Variants in DNM1 observed in about 807,000 individuals in gnomAD.
DNM1 encodes dynamin-1.
DNM1 carries 29 observed loss-of-function variants against 104.6 expected under a neutral mutation model. The ratio of observed to expected loss-of-function variants is 0.28; its 90% CI spans 0.21 to 0.38. The LOEUF (loss-of-function observed/expected upper bound fraction) is 0.38, where lower values mean the gene tolerates loss of function less well. Among genes scored for constraint, DNM1 ranks in the 10% least tolerant of loss-of-function variants. The probability of loss-of-function intolerance (pLI) is 1.00; values close to 1 mark genes in which losing one functional copy is unlikely to be tolerated. For missense variants in DNM1, 640 were observed against 1,189.4 expected, an observed-to-expected ratio of 0.54 and a Z score of 6.79; for synonymous variants, 445 against 475.8, an observed-to-expected ratio of 0.94 and a Z score of 0.84.
In DNM1 at chr9:128,211,400, A is replaced by C. The variant is rs74720809; in HGVS notation, c.162-6831A>C. Among the ~76,000 whole-genome samples, 653 of 151,820 alleles carry C rather than the reference A, an allele frequency of 4.3e-3. 5 individuals are homozygous for C. Among genetic ancestry groups the C allele is most frequent in the African/African-American group, 0.015 (630 of 41,366 alleles). The stretch of plus-strand genomic sequence containing the variant: ...CTGAATATATTACAGTGCGTGGGAA[A>C]AATAGGGCCGTGCCCTCTCTCTCAC... On this transcript the variant is annotated intron_variant, in intron 1 of 21. Coordinates refer to ENST00000372923, the MANE Select transcript of DNM1 (RefSeq NM_004408.4).
At chr9:128,249,423 G>A (rs1230617836) in intron 19 of DNM1, among the ~76,000 whole-genome samples, 3 of 151,996 alleles carry the variant, frequency 2.0e-5, no homozygotes, top group Non-Finnish European at 2.9e-5. Context: ...TTGGGAGGCC[G>A]AGGTGCGCAG....
intron 10 of DNM1, among the ~76,000 whole-genome samples, chr9:128,232,942 G>A (rs1588405165): frequency 6.6e-6 from 1 of 152,182 alleles, no homozygotes; most frequent in Admixed American, 6.5e-5. Context: ...CCTGCCTCGG[G>A]GACAGTTGCC....
Position 128,203,410 on chromosome 9 carries a change from G to C in DNM1, c.-61G>C, listed in dbSNP as rs888680935. The C allele has an allele frequency of 1.5e-6, 2 of 1,354,748 alleles. No individual in the cohort carries two copies. Among genetic ancestry groups the C allele is most frequent in the South Asian group, 3.3e-5 (2 of 59,938 alleles). The allele number at this position is 1,354,748 out of a possible 1,614,324, so 83.9% of individuals were successfully genotyped here. A position where few individuals can be genotyped will look rare whatever the true frequency, so the allele number is the denominator to read the frequency against. ...GGCGCGCGGCTGCAGCGGCGGAGCC[G>C]GAGTCGGAGCCGGGAGCGCTAGCGG... On this transcript the variant is annotated 5_prime_UTR_variant, in exon 1 of 22. Transcript: ENST00000372923. The surrounding 1 kb of genome is among the most constrained non-coding windows in gnomAD (Gnocchi z 5.3).
In DNM1 at chr9:128,220,885, T is replaced by TCTTTCTTTC. The variant is rs1834933458; in HGVS notation, c.849+544_849+545insCTTTCTTTC. ...CCTCTATTTCTTTTTTCTTTATTTG[T>TCTTTCTTTC]TTTCTTTCTTTCTTTCTTTCTTTCT... On this transcript the variant is annotated intron_variant, in intron 6 of 21. Coordinates refer to ENST00000372923, the MANE Select transcript of DNM1 (RefSeq NM_004408.4). This position sits in a 1 kb window ranked among gnomAD's most constrained non-coding sequence, Gnocchi z 5.2. Among the ~76,000 whole-genome samples, 5 of 117,602 alleles carry TCTTTCTTTC rather than the reference T, an allele frequency of 4.3e-5. No individual in the cohort carries two copies. Among genetic ancestry groups the TCTTTCTTTC allele is most frequent in the African/African-American group, 1.3e-4 (4 of 31,492 alleles). The allele number at this position is 117,602 out of a possible 152,430, so 77.2% of individuals were successfully genotyped here. A position where few individuals can be genotyped will look rare whatever the true frequency, so the allele number is the denominator to read the frequency against.
At chr9:128,214,049 G>A (rs1015230068) in intron 1 of DNM1, among the ~76,000 whole-genome samples, 1 of 151,892 alleles carries the variant, frequency 6.6e-6, no homozygotes, top group Non-Finnish European at 1.5e-5. Context: ...TTCAGAGCAC[G>A]CCCCTGCCCA....
intron 1 of DNM1, among the ~76,000 whole-genome samples, chr9:128,207,325 T>C (rs936094647): frequency 2.0e-5 from 3 of 152,000 alleles, no homozygotes; most frequent in African/African-American, 7.3e-5. Context: ...GGTGTAGAGA[T>C]GGGATTTAAA....
chr9:128,251,013 C>A, intron 21 of DNM1, 73 bp downstream of exon 21: 1 of 992,880 alleles, frequency 1.0e-6, no homozygotes, highest in Non-Finnish European at 1.5e-6. Context: ...GGCTGGATTC[C>A]AGAGCATCGG....
intron 1 of DNM1, among the ~76,000 whole-genome samples, chr9:128,217,251 G>T (rs575480842): frequency 6.6e-6 from 1 of 152,290 alleles, no homozygotes; most frequent in African/African-American, 2.4e-5. Flanking sequence ...CGAGACCAGG[G>T]TCTGCTCTGC....
chr9:128,252,508 G>A, intron 21 of DNM1: 1 of 398,870 alleles, frequency 2.5e-6, no homozygotes, highest in Non-Finnish European at 4.9e-6. Flanking sequence ...GGGCAGAGGT[G>A]TAGTGTGGGC....
Position 128,219,039 on chromosome 9 carries a change from C to A in DNM1, c.386-10C>A, listed in dbSNP as rs759343711. The A allele has an allele frequency of 6.2e-7, 1 of 1,613,754 alleles. No homozygotes were observed. On this transcript the variant is annotated splice_polypyrimidine_tract_variant and intron_variant, in intron 3 of 21. Coordinates refer to ENST00000372923, the MANE Select transcript of DNM1 (RefSeq NM_004408.4). ...TCGCCTTGAGCCCGCCCTCTCGCCGCCCTGTCCAGTGCTGAACCTGACCCT... is the reference window on the plus strand; with the variant it reads ...TCGCCTTGAGCCCGCCCTCTCGCCGACCTGTCCAGTGCTGAACCTGACCCT...
In DNM1 at chr9:128,247,633, G is replaced by T. The variant is rs559402088; in HGVS notation, c.1893+147G>T. 2 of 746,662 alleles carry T rather than the reference G, an allele frequency of 2.7e-6. No homozygotes were observed. Among genetic ancestry groups the T allele is most frequent in the East Asian group, 2.7e-5 (1 of 36,640 alleles). The allele number at this position is 746,662 out of a possible 1,614,324, so 46.3% of individuals were successfully genotyped here. A position where few individuals can be genotyped will look rare whatever the true frequency, so the allele number is the denominator to read the frequency against. ...ATCCTCCCCCCTACCCACTCTGGGG[G>T]TGGGAACAGAGATAAGTCTCCTGGT... On this transcript the variant is annotated intron_variant, in intron 17 of 21. Coordinates refer to ENST00000372923, the MANE Select transcript of DNM1 (RefSeq NM_004408.4). This position sits in a 1 kb window ranked among gnomAD's most constrained non-coding sequence, Gnocchi z 5.1.
In DNM1 at chr9:128,218,843, T is replaced by TC; in HGVS notation, c.385+113dup. On this transcript the variant is annotated intron_variant, in intron 3 of 21. Transcript: ENST00000372923. The surrounding 1 kb of genome is among the most constrained non-coding windows in gnomAD (Gnocchi z 4.8). The stretch of plus-strand genomic sequence containing the variant: ...CCCCTAGAATGACCCTGCCTCTGCA[T>TC]CATCCTATTCCAAGCTCCACCCTGC... The TC allele has an allele frequency of 2.9e-6, 4 of 1,398,072 alleles. No homozygotes were observed. The highest frequency in any genetic ancestry group is 3.8e-6 in the Non-Finnish European group (4 of 1,048,114). 86.6% of individuals were successfully genotyped at this position (1,398,072 alleles called of 1,614,324 possible). A position where few individuals can be genotyped will look rare whatever the true frequency, so the allele number is the denominator to read the frequency against.
intron 14 of DNM1, among the ~76,000 whole-genome samples, chr9:128,241,273 G>T (rs1836347834): frequency 6.6e-6 from 1 of 152,148 alleles, no homozygotes; most frequent in Non-Finnish European, 1.5e-5. Context: ...AGAAGCAGCT[G>T]CCTCATCCTC....
At chr9:128,238,305 A>G (rs1330339802) in intron 11 of DNM1, among the ~76,000 whole-genome samples, 4 of 151,822 alleles carry the variant, frequency 2.6e-5, no homozygotes, top group East Asian at 1.9e-4. Context: ...GCTCACTGCA[A>G]TCTCCACCTC....
Position 128,254,121 on chromosome 9 carries a change from C to G in DNM1, c.2535-533C>G. 2 of 1,260,150 alleles carry G rather than the reference C, an allele frequency of 1.6e-6. No homozygotes were observed. The highest frequency in any genetic ancestry group is 2.0e-6 in the Non-Finnish European group (2 of 1,007,578). 78.1% of individuals were successfully genotyped at this position (1,260,150 alleles called of 1,614,324 possible). On this transcript the variant is annotated intron_variant, in intron 21 of 21. Coordinates refer to ENST00000372923, the MANE Select transcript of DNM1 (RefSeq NM_004408.4). This position sits in a 1 kb window ranked among gnomAD's most constrained non-coding sequence, Gnocchi z 6.1. ...TCCGGCTGCCTGCCCTCCCTGCCTC[C>G]CCCAGGGTCCCTTCAGAGGGTCCTG... is the stretch of plus-strand genomic sequence containing the variant.
chr9:128,253,476 T>C lies in DNM1; in HGVS notation c.2535-1178T>C, dbSNP rs1470881225. 2.8e-6 allele frequency: 1 copy of C among 360,124 alleles called. No individual in the cohort carries two copies. The highest frequency in any genetic ancestry group is 2.1e-5 in the African/African-American group (1 of 47,960). 22.3% of individuals were successfully genotyped at this position (360,124 alleles called of 1,614,324 possible). ...GTTTATGGTGTAAAGGCTGGGAGCT[T>C]GGAGGGGGTCGTGTGTGGGGCTGGA... is the stretch of plus-strand genomic sequence containing the variant. On this transcript the variant is annotated intron_variant, in intron 21 of 21. Transcript: ENST00000372923. The surrounding 1 kb of genome is among the most constrained non-coding windows in gnomAD (Gnocchi z 5.9).
chr9:128,213,087 TG>T (rs1294952666), intron 1 of DNM1, among the ~76,000 whole-genome samples: 6 of 152,300 alleles, frequency 3.9e-5, no homozygotes, highest in Admixed American at 3.9e-4. Context: ...TGGATCTTTT[TG>T]TTTGTTTGTT....
In DNM1 at chr9:128,239,567, CGTGTGTGTGTGT is replaced by C. The variant is rs34036148; in HGVS notation, c.1493+91_1493+102del. On this transcript the variant is annotated intron_variant, in intron 12 of 21. Coordinates refer to ENST00000372923, the MANE Select transcript of DNM1 (RefSeq NM_004408.4). ...AGTGCTCCCTGGGCAGAGAAGGTAA[CGTGTGTGTGTGT>C]GTGTGTGTGTGTGTGTGTGTGTGTG... 7.8e-3 allele frequency: 6,860 copies of C among 882,310 alleles called. 253 individuals carry two copies. The African/African-American group carries it at 0.11, about 14-fold the overall frequency. The allele number at this position is 882,310 out of a possible 1,614,324, so 54.7% of individuals were successfully genotyped here. A position where few individuals can be genotyped will look rare whatever the true frequency, so the allele number is the denominator to read the frequency against.
In DNM1 at chr9:128,218,252, T is replaced by G; in HGVS notation, c.183T>G (p.Ser61=). Residue 61 remains serine, a synonymous_variant, in exon 2 of 22, where the codon TCT becomes TCG. Coordinates refer to ENST00000372923, the MANE Select transcript of DNM1 (RefSeq NM_004408.4). The surrounding 1 kb of genome is among the most constrained non-coding windows in gnomAD (Gnocchi z 4.8). ...GCAGGGACTTCTTGCCTCGAGGATC[T>G]GGCATTGTCACCCGACGTCCCCTGG... The part of the protein sequence containing the change: ...FVGRDFLPRG[S]GIVTRRPLVL... 1 of 1,614,084 alleles carries G rather than the reference T, an allele frequency of 6.2e-7. No individual in the cohort carries two copies.
Sources: gnomAD v4.1 joint callset for allele counts (sites outside exome capture counted in the v4.1 genomes callset) on GRCh38, gnomAD v4.1.1 for gene constraint, Gnocchi (gnomAD v3.1) non-coding constraint, MANE v1.5 for transcripts, NCBI Gene and HGNC (gene_info 2026-07-23, HGNC 2026-07-21) for gene names.